Variants in SULF1 observed in about 807,000 individuals in gnomAD.
SULF1 encodes the protein extracellular sulfatase Sulf-1.
In SULF1, 46 loss-of-function variants were observed where a neutral mutation model predicts 110.5. That is an observed-to-expected ratio of 0.42 (90% CI 0.33 to 0.53). The LOEUF is 0.53. Among genes scored for constraint, SULF1 ranks in the 20% least tolerant of loss-of-function variants. The pLI is 0.12. For synonymous variants in SULF1, 371 were observed against 387.1 expected (o/e 0.96, Z 0.49); for missense variants, 941 against 1,094.2 (o/e 0.86, Z 1.98).
intron 3 of SULF1, among the ~76,000 whole-genome samples, chr8:69,507,401 T>C (rs1239410440): frequency 6.6e-6 from 1 of 152,180 alleles, no homozygotes; most frequent in Non-Finnish European, 1.5e-5. Context: ...CTTGAGTCCT[T>C]AGTTCCAATG....
chr8:69,489,822 G>A (rs1001433287), upstream of SULF1, among the ~76,000 whole-genome samples: 8 of 152,058 alleles, frequency 5.3e-5, no homozygotes, highest in East Asian at 1.2e-3. Context: ...GTGATCAGGA[G>A]CATGAGCCAC....
At chr8:69,576,276 T>C (rs978639848) in intron 6 of SULF1, 67 bp downstream of exon 6, 4 of 1,524,310 alleles carry the variant, frequency 2.6e-6, no homozygotes, top group East Asian at 2.3e-5. Context: ...AGAAGTGTCA[T>C]GTAATGAAAT....
At chr8:69,588,234 G>A (rs901879598) in intron 7 of SULF1, among the ~76,000 whole-genome samples, 1 of 152,120 alleles carries the variant, frequency 6.6e-6, no homozygotes, top group Non-Finnish European at 1.5e-5. Context: ...CTGACTGTGG[G>A]TTAAGTCATT....
intron 3 of SULF1, among the ~76,000 whole-genome samples, chr8:69,505,875 A>G (rs1811149552): frequency 6.6e-6 from 1 of 152,126 alleles, no homozygotes; most frequent in South Asian, 2.1e-4. Flanking sequence ...TGTAAAAACC[A>G]TATAACAGTC....
In SULF1 at chr8:69,500,582, T is replaced by C. The variant is rs111876981; in HGVS notation, c.-228-1292T>C. 2.9e-3 allele frequency among the ~76,000 whole-genome samples: 449 copies of C among 152,350 alleles called. 1 individual carries two copies. The highest frequency in any genetic ancestry group is 9.9e-3 in the African/African-American group (411 of 41,590). On this transcript the variant is annotated intron_variant, in intron 2 of 22. Coordinates refer to ENST00000402687, the MANE Select transcript of SULF1 (RefSeq NM_001128205.2). ...AGATCATGAGGTGCACATACAATTA[T>C]AAGCACAAACATGTATATGTCCTCT...
chr8:69,529,574 G>T (rs573128720), intron 3 of SULF1, among the ~76,000 whole-genome samples: 25 of 152,282 alleles, frequency 1.6e-4, no homozygotes, highest in Admixed American at 7.8e-4. Flanking sequence ...TGGCTGGATG[G>T]TTCCAGTTTA....
intron 1 of SULF1, among the ~76,000 whole-genome samples, chr8:69,484,910 C>T (rs142939771): frequency 5.2e-4 from 79 of 152,026 alleles, no homozygotes; most frequent in Middle Eastern, 6.8e-3. Context: ...CACCATGTTG[C>T]TCAGTCTGAT....
At chr8:69,521,739 C>T (rs996406521) in intron 3 of SULF1, among the ~76,000 whole-genome samples, 2 of 151,070 alleles carry the variant, frequency 1.3e-5, no homozygotes, top group Non-Finnish European at 2.9e-5. Flanking sequence ...GAAGCCACGG[C>T]AGGATTTTGT....
intron 14 of SULF1, among the ~76,000 whole-genome samples, chr8:69,623,392 A>G (rs1400604588): frequency 1.3e-5 from 2 of 152,352 alleles, no homozygotes; most frequent in East Asian, 3.9e-4. Context: ...TTTCTCGTCC[A>G]TAAAATAAGG....
intron 6 of SULF1, among the ~76,000 whole-genome samples, chr8:69,578,962 G>A (rs1805849467): frequency 6.6e-6 from 1 of 151,834 alleles, no homozygotes. Flanking sequence ...AGGAGATCGA[G>A]ACCATCCTGG....
At chr8:69,570,901 T>G (rs1329634135) in intron 5 of SULF1, among the ~76,000 whole-genome samples, 3 of 152,194 alleles carry the variant, frequency 2.0e-5, no homozygotes, top group African/African-American at 7.2e-5. Context: ...TCCTGTGGCC[T>G]GGACCTTCCC....
chr8:69,627,571 C>G (rs1038898364), intron 16 of SULF1, among the ~76,000 whole-genome samples: 5 of 152,170 alleles, frequency 3.3e-5, no homozygotes, highest in African/African-American at 1.2e-4. Context: ...AAAGAGGAAT[C>G]TGCTAATGTT....
At position 69,589,160 on chromosome 8, in the gene SULF1, T is replaced by G; in HGVS notation, c.734+19T>G. The G allele has an allele frequency of 6.2e-7, 1 of 1,607,042 alleles. No homozygotes were observed. The highest frequency in any genetic ancestry group is 1.7e-4 in the Middle Eastern group (1 of 6,040). Reference sequence around the variant, plus strand: ...AACACATGTAAGTAACAAACTCAACTCTGCGACCTGCCGAACATGCCTTTC... The same window carrying G: ...AACACATGTAAGTAACAAACTCAACGCTGCGACCTGCCGAACATGCCTTTC... On this transcript the variant is annotated intron_variant, in intron 8 of 22. Transcript: ENST00000402687.
At chr8:69,532,186 A>C (rs989054279) in intron 3 of SULF1, among the ~76,000 whole-genome samples, 3 of 152,182 alleles carry the variant, frequency 2.0e-5, no homozygotes, top group African/African-American at 4.8e-5. Context: ...AAAATTGTTC[A>C]AGTCACTCAT....
intron 3 of SULF1, among the ~76,000 whole-genome samples, chr8:69,560,895 C>G (rs1271976611): frequency 6.6e-6 from 1 of 152,108 alleles, no homozygotes; most frequent in Non-Finnish European, 1.5e-5. Context: ...TCGTGCTGGC[C>G]AGACTAGTCA....
At chr8:69,565,794 C>G (rs1332513322) in intron 5 of SULF1, among the ~76,000 whole-genome samples, 1 of 152,180 alleles carries the variant, frequency 6.6e-6, no homozygotes, top group Non-Finnish European at 1.5e-5. Flanking sequence ...GCGGCCCCTG[C>G]CTGTCCCCAA....
intron 14 of SULF1, 45 bp from the exon 15 acceptor site, chr8:69,623,897 G>A (rs1158717142): frequency 6.4e-7 from 1 of 1,571,964 alleles, no homozygotes; most frequent in Admixed American, 1.8e-5. Flanking sequence ...TCCCTTGTAA[G>A]CTACATCAGG....
intron 3 of SULF1, among the ~76,000 whole-genome samples, chr8:69,554,930 G>A (rs1193455870): frequency 8.0e-6 from 1 of 124,512 alleles, no homozygotes; most frequent in African/African-American, 3.4e-5. Flanking sequence ...GGTAAGCCGA[G>A]ACTGCGCCAC....
At chr8:69,524,635 T>C (rs1812540432) in intron 3 of SULF1, among the ~76,000 whole-genome samples, 2 of 152,110 alleles carry the variant, frequency 1.3e-5, no homozygotes, top group South Asian at 4.1e-4. Flanking sequence ...CTACATCAAA[T>C]GGATACACTC....
Sources: allele counts gnomAD v4.1 joint callset (sites outside exome capture counted in the v4.1 genomes callset), GRCh38; gene constraint gnomAD v4.1.1; transcripts MANE v1.5; gene names NCBI Gene and HGNC (gene_info 2026-07-23, HGNC 2026-07-21).